The following PRKAG2 variants were observed in gnomAD, a reference collection of about 807,000 sequenced individuals.
PRKAG2 encodes protein kinase AMP-activated non-catalytic subunit gamma 2.
In PRKAG2, 26 loss-of-function variants were observed where a neutral mutation model predicts 69.6. That is an observed-to-expected ratio of 0.37 (90% CI 0.27 to 0.52). The LOEUF (loss-of-function observed/expected upper bound fraction) is 0.52, where lower values mean the gene tolerates loss of function less well. Ranked by LOEUF, PRKAG2 falls within the 20% of genes least tolerant of loss-of-function variation. The probability of loss-of-function intolerance (pLI) is 0.90; values close to 1 mark genes in which losing one functional copy is unlikely to be tolerated. For synonymous variants in PRKAG2, 293 were observed against 285.0 expected (o/e 1.03, Z -0.28); for missense variants, 557 against 740.0 (o/e 0.75, Z 2.87).
rs571583447 is a variant in PRKAG2 at position 151,632,373 on chromosome 7, G to A, written c.685-235C>T. 2.6e-3 allele frequency: 1,272 copies of A among 480,956 alleles called. 14 individuals carry two copies. The highest frequency in any genetic ancestry group is 0.025 in the African/African-American group (1,169 of 47,120). 29.8% of individuals were successfully genotyped at this position (480,956 alleles called of 1,614,324 possible). A position where few individuals can be genotyped will look rare whatever the true frequency, so the allele number is the denominator to read the frequency against. ...GGCCGCGGCCCGCGTGCCCCTCCGC[G>A]AGTGGGACGCGCCGCTCCCCCCCGC... On this transcript the variant is annotated intron_variant, in intron 4 of 15. Transcript: ENST00000287878. The surrounding 1 kb of genome is among the most constrained non-coding windows in gnomAD (Gnocchi z 4.2).
At chr7:151,691,877 G>A (rs912972539) in intron 3 of PRKAG2, among the ~76,000 whole-genome samples, 1 of 152,180 alleles carries the variant, frequency 6.6e-6, no homozygotes, top group Admixed American at 6.5e-5. Context: ...TCTATTCATA[G>A]TTGCCCCAAA....
chr7:151,819,974 G>T (rs1273153834), intron 1 of PRKAG2, among the ~76,000 whole-genome samples: 1 of 152,214 alleles, frequency 6.6e-6, no homozygotes. Context: ...CGTGCCCAAG[G>T]TCACATGGCT....
At chr7:151,734,848 CTTTT>C (rs35008070) in intron 3 of PRKAG2, among the ~76,000 whole-genome samples, 2 of 90,082 alleles carry the variant, frequency 2.2e-5, no homozygotes, top group African/African-American at 5.1e-5. Context: ...AAATCTGATT[CTTTT>C]TTTTTTTTTT....
chr7:151,788,031 T>C lies in PRKAG2; in HGVS notation c.115-1490A>G, dbSNP rs2151819223. Among the ~76,000 whole-genome samples, 1 of 152,366 alleles carries C rather than the reference T, an allele frequency of 6.6e-6. No homozygotes were observed. Among genetic ancestry groups the C allele is most frequent in the South Asian group, 2.1e-4 (1 of 4,832 alleles). On this transcript the variant is annotated intron_variant, in intron 1 of 15. Coordinates refer to ENST00000287878, the MANE Select transcript of PRKAG2 (RefSeq NM_016203.4). This position sits in a 1 kb window ranked among gnomAD's most constrained non-coding sequence, Gnocchi z 4.6. ...AGCCACCCCACTTAATCTGTAGTGCTTTGCTATGGCAGCCTAGCAAACCAA... is the reference window on the plus strand; with the variant it reads ...AGCCACCCCACTTAATCTGTAGTGCCTTGCTATGGCAGCCTAGCAAACCAA...
chr7:151,827,481 C>T (rs952756230), intron 1 of PRKAG2, among the ~76,000 whole-genome samples: 10 of 152,162 alleles, frequency 6.6e-5, no homozygotes, highest in East Asian at 1.9e-4. Flanking sequence ...TCAAGGGATC[C>T]GCCCACCTTG....
intron 3 of PRKAG2, among the ~76,000 whole-genome samples, chr7:151,761,319 C>T (rs375907032): frequency 1.4e-3 from 217 of 152,322 alleles, no homozygotes; most frequent in African/African-American, 4.8e-3. Flanking sequence ...AGTTAAATGA[C>T]AACCAGCCAT....
chr7:151,872,286 G>T (rs1586757817), intron 1 of PRKAG2, among the ~76,000 whole-genome samples: 1 of 143,976 alleles, frequency 6.9e-6, no homozygotes. Context: ...CCCTTACCCT[G>T]GGGGGGGGCT....
intron 4 of PRKAG2, among the ~76,000 whole-genome samples, chr7:151,641,556 CTTTTTT>C (rs1826702425): frequency 6.6e-6 from 1 of 151,100 alleles, no homozygotes; most frequent in Non-Finnish European, 1.5e-5. Flanking sequence ...CCCTTTCTTT[CTTTTTT>C]AAGAGACTGG....
intron 1 of PRKAG2, 35 bp downstream of exon 1, chr7:151,876,472 G>A (rs1273116160): frequency 1.1e-5 from 17 of 1,576,684 alleles, no homozygotes; most frequent in Non-Finnish European, 1.4e-5. Context: ...GCGACAGGAG[G>A]GCTGGGGAGC....
At chr7:151,809,294 C>T (rs183713360) in intron 1 of PRKAG2, 154 of 456,392 alleles carry the variant, frequency 3.4e-4, no homozygotes, top group East Asian at 7.6e-4. Flanking sequence ...ACCCCTACCC[C>T]GAGACGGGTG....
chr7:151,724,800 C>T (rs1469883204), intron 3 of PRKAG2, among the ~76,000 whole-genome samples: 4 of 152,118 alleles, frequency 2.6e-5, no homozygotes, highest in South Asian at 4.2e-4. Flanking sequence ...GCAGAGGCCT[C>T]GGGAGTGACA....
At chr7:151,589,562 T>A (rs1304709731) in intron 6 of PRKAG2, among the ~76,000 whole-genome samples, 2 of 152,254 alleles carry the variant, frequency 1.3e-5, no homozygotes, top group South Asian at 2.1e-4. Context: ...TTAGATCCAG[T>A]TAACATTTGC....
At chr7:151,865,623 G>A (rs2080045183) in intron 1 of PRKAG2, among the ~76,000 whole-genome samples, 1 of 152,212 alleles carries the variant, frequency 6.6e-6, no homozygotes, top group Admixed American at 6.5e-5. Flanking sequence ...GAGGCGCCAG[G>A]CAGGGCTTCC....
intron 3 of PRKAG2, among the ~76,000 whole-genome samples, chr7:151,753,696 C>T (rs905215585): frequency 1.3e-5 from 2 of 152,014 alleles, no homozygotes; most frequent in Non-Finnish European, 2.9e-5. Context: ...GAATTACAAG[C>T]GTGAGCCACC....
intron 3 of PRKAG2, among the ~76,000 whole-genome samples, chr7:151,693,444 G>A (rs1460391562): frequency 6.6e-6 from 1 of 152,150 alleles, no homozygotes; most frequent in Non-Finnish European, 1.5e-5. Flanking sequence ...CACCTCCCCG[G>A]GCCATCAGCA....
At chr7:151,824,183 G>A (rs891230923) in intron 1 of PRKAG2, among the ~76,000 whole-genome samples, 1 of 152,124 alleles carries the variant, frequency 6.6e-6, no homozygotes, top group Non-Finnish European at 1.5e-5. Context: ...GCCGTAAATC[G>A]CCCTTGGTTC....
chr7:151,821,461 T>C (rs1469472726), intron 1 of PRKAG2, among the ~76,000 whole-genome samples: 2 of 152,302 alleles, frequency 1.3e-5, no homozygotes, highest in Non-Finnish European at 2.9e-5. Flanking sequence ...GCTCCGGGGC[T>C]GAATGTCTGT....
intron 3 of PRKAG2, among the ~76,000 whole-genome samples, chr7:151,753,287 A>G (rs1173821721): frequency 1.3e-5 from 2 of 152,238 alleles, no homozygotes; most frequent in East Asian, 3.8e-4. Flanking sequence ...AGCTGATAGC[A>G]TGATATTTGT....
Position 151,800,313 on chromosome 7 carries a change from A to G in PRKAG2, c.115-13772T>C, listed in dbSNP as rs373236774. Reference sequence around the variant, plus strand: ...GCGGAGCTTGCAGTGAGCTGAGATCACGCCACTGCACTCCAGCCTGGGCGA... The same window carrying G: ...GCGGAGCTTGCAGTGAGCTGAGATCGCGCCACTGCACTCCAGCCTGGGCGA... On this transcript the variant is annotated intron_variant, in intron 1 of 15. Coordinates refer to ENST00000287878, the MANE Select transcript of PRKAG2 (RefSeq NM_016203.4). 1.5e-3 allele frequency among the ~76,000 whole-genome samples: 231 copies of G among 149,422 alleles called. 1 individual carries two copies. The highest frequency in any genetic ancestry group is 4.1e-3 in the Admixed American group (61 of 14,886).
Sources: allele counts gnomAD v4.1 joint callset (sites outside exome capture counted in the v4.1 genomes callset), GRCh38; gene constraint gnomAD v4.1.1; non-coding constraint Gnocchi (gnomAD v3.1); transcripts MANE v1.5; gene names NCBI Gene and HGNC (gene_info 2026-07-23, HGNC 2026-07-21).